Variants in PAPSS1 observed in about 807,000 individuals in gnomAD.
PAPSS1 encodes 3'-phosphoadenosine 5'-phosphosulfate synthase 1, also known as bifunctional 3'-phosphoadenosine 5'-phosphosulfate synthase 1.
PAPSS1 carries 50 observed loss-of-function variants against 72.0 expected under a neutral mutation model. The ratio of observed to expected loss-of-function variants is 0.69; its 90% CI spans 0.55 to 0.88. The LOEUF (loss-of-function observed/expected upper bound fraction) is 0.88, where lower values mean the gene tolerates loss of function less well. Among genes scored for constraint, PAPSS1 ranks in the 40% least tolerant of loss-of-function variants. The pLI, the probability that PAPSS1 is intolerant of heterozygous loss-of-function variation, is 0.00. For missense variants in PAPSS1, 657 were observed against 782.2 expected, an observed-to-expected ratio of 0.84 and a Z score of 1.91; for synonymous variants, 261 against 263.6, an observed-to-expected ratio of 0.99 and a Z score of 0.09.
rs1333997220 is a variant in PAPSS1 at position 107,613,984 on chromosome 4, A to G, written c.*265T>C. 1.2e-5 allele frequency: 3 copies of G among 260,248 alleles called. No homozygotes were observed. Among genetic ancestry groups the G allele is most frequent in the African/African-American group, 6.6e-5 (3 of 45,188 alleles). The allele number at this position is 260,248 out of a possible 1,614,324, so 16.1% of individuals were successfully genotyped here. ...TGAAAAAATCATGACACAGAAGCAT[A>G]AATATAATATAAAAAGACAATTTTA... On this transcript the variant is annotated 3_prime_UTR_variant, in exon 12 of 12. Transcript: ENST00000265174.
At chr4:107,679,012 T>C (rs901095687) in intron 5 of PAPSS1, among the ~76,000 whole-genome samples, 2 of 151,948 alleles carry the variant, frequency 1.3e-5, no homozygotes, top group Non-Finnish European at 2.9e-5. Context: ...AAAACAGATA[T>C]AAAACATGCT....
intron 10 of PAPSS1, among the ~76,000 whole-genome samples, chr4:107,637,857 T>TA (rs1193334159): frequency 1.3e-5 from 2 of 152,218 alleles, no homozygotes; most frequent in Non-Finnish European, 2.9e-5. Flanking sequence ...TTTTGCTGTG[T>TA]AAAAAATCTA....
chr4:107,681,111 T>C (rs1428151411), intron 5 of PAPSS1, among the ~76,000 whole-genome samples: 2 of 152,010 alleles, frequency 1.3e-5, no homozygotes, highest in South Asian at 2.1e-4. Flanking sequence ...TAAGATACAC[T>C]AGATGAAAGA....
intron 5 of PAPSS1, among the ~76,000 whole-genome samples, chr4:107,672,742 G>T (rs1014426969): frequency 6.6e-6 from 1 of 152,178 alleles, no homozygotes; most frequent in Non-Finnish European, 1.5e-5. Flanking sequence ...CATGCAGCTG[G>T]AGATCTGAGA....
At chr4:107,700,825 CTGTTA>C (rs1167399488) in intron 2 of PAPSS1, among the ~76,000 whole-genome samples, 2 of 152,154 alleles carry the variant, frequency 1.3e-5, no homozygotes, top group Non-Finnish European at 2.9e-5. Context: ...CTCTGGTATT[CTGTTA>C]TAACAGCATA....
intron 6 of PAPSS1, among the ~76,000 whole-genome samples, chr4:107,658,788 T>C (rs1727088600): frequency 6.6e-6 from 1 of 152,150 alleles, no homozygotes; most frequent in Non-Finnish European, 1.5e-5. Context: ...TGGTATCTGT[T>C]AGGGATTGAA....
At position 107,651,297 on chromosome 4, in the gene PAPSS1, C is replaced by G. The variant is rs111623443; in HGVS notation, c.1237+2194G>C. Among the ~76,000 whole-genome samples the G allele has an allele frequency of 6.0e-3, 916 of 152,302 alleles. 8 individuals are homozygous for G. The highest frequency in any genetic ancestry group is 0.019 in the African/African-American group (809 of 41,560). On this transcript the variant is annotated intron_variant, in intron 9 of 11. Coordinates refer to ENST00000265174, the MANE Select transcript of PAPSS1 (RefSeq NM_005443.5). ...GGTGGCCCATCTGAGGCCTCCAGTT[C>G]TTAACCCATTTTATTAAGTTCATAA...
intron 4 of PAPSS1, among the ~76,000 whole-genome samples, chr4:107,682,584 G>A (rs1431740498): frequency 6.6e-6 from 1 of 152,156 alleles, no homozygotes; most frequent in African/African-American, 2.4e-5. Context: ...CAAATAGTAA[G>A]AATCAATTCT....
chr4:107,645,089 G>A lies in PAPSS1; in HGVS notation c.1238-19C>T. 2.0e-6 allele frequency: 3 copies of A among 1,486,606 alleles called. No individual in the cohort carries two copies. The highest frequency in any genetic ancestry group is 2.7e-6 in the Non-Finnish European group (3 of 1,116,790). The allele number at this position is 1,486,606 out of a possible 1,614,324, so 92.1% of individuals were successfully genotyped here. ...ACAGCATCTGAAAAGAGAATTTCCA[G>A]AGTTAAGAATAGCATGTTTCTAACA... On this transcript the variant is annotated intron_variant, in intron 9 of 11. Transcript: ENST00000265174.
rs377177769 is a variant in PAPSS1, at chr4:107,687,013, G to A, written c.550+26C>T. 4.4e-6 allele frequency: 7 copies of A among 1,588,490 alleles called. No individual in the cohort carries two copies. In the African/African-American group the frequency reaches 5.5e-5, roughly 12 times the overall value. On this transcript the variant is annotated intron_variant, in intron 4 of 11. Transcript: ENST00000265174. ...GGAACATAAAATATCTAAGCAAAGTGAAACTGGGAAGAAAATATTACTGAC... is the reference window on the plus strand; with the variant it reads ...GGAACATAAAATATCTAAGCAAAGTAAAACTGGGAAGAAAATATTACTGAC...
chr4:107,712,539 G>A (rs1258675591), intron 1 of PAPSS1, among the ~76,000 whole-genome samples: 2 of 152,124 alleles, frequency 1.3e-5, no homozygotes, highest in Non-Finnish European at 2.9e-5. Flanking sequence ...ATTCATGATA[G>A]CCAAAAAGTA....
intron 1 of PAPSS1, among the ~76,000 whole-genome samples, chr4:107,706,595 G>A (rs533646302): frequency 6.0e-4 from 91 of 152,060 alleles, no homozygotes; most frequent in African/African-American, 2.1e-3. Context: ...TTCTTTTTCA[G>A]GCAGTTCATG....
At chr4:107,676,622 T>C (rs150241277) in intron 5 of PAPSS1, among the ~76,000 whole-genome samples, 36,657 of 151,842 alleles carry the variant, frequency 0.24, 4,952 homozygotes, top group Middle Eastern at 0.34. Flanking sequence ...AGGTAATTTA[T>C]AGATTCAATG....
chr4:107,618,397 G>A (rs1289924220), intron 11 of PAPSS1, among the ~76,000 whole-genome samples: 3 of 150,424 alleles, frequency 2.0e-5, no homozygotes, highest in Non-Finnish European at 3.0e-5. Context: ...TTAAGGAAAC[G>A]AGAGAAGGCT....
At chr4:107,666,669 T>C (rs1727325323) in intron 5 of PAPSS1, among the ~76,000 whole-genome samples, 1 of 152,192 alleles carries the variant, frequency 6.6e-6, no homozygotes, top group Non-Finnish European at 1.5e-5. Context: ...ATACTGTATC[T>C]TACTGAAGAC....
intron 4 of PAPSS1, among the ~76,000 whole-genome samples, chr4:107,684,612 T>G (rs1722724932): frequency 6.6e-6 from 1 of 152,190 alleles, no homozygotes; most frequent in African/African-American, 2.4e-5. Flanking sequence ...ACAATCTTTA[T>G]CTTAACCTGA....
At chr4:107,705,977 G>A (rs1003808225) in intron 1 of PAPSS1, among the ~76,000 whole-genome samples, 1 of 152,172 alleles carries the variant, frequency 6.6e-6, no homozygotes, top group Admixed American at 6.5e-5. Flanking sequence ...CTTTGAACAT[G>A]TCAACCCAGT....
At chr4:107,696,981 T>C (rs142953637) in intron 2 of PAPSS1, among the ~76,000 whole-genome samples, 3 of 152,282 alleles carry the variant, frequency 2.0e-5, no homozygotes, top group Non-Finnish European at 4.4e-5. Context: ...CAAAAGAATG[T>C]AGTGAAATAG....
intron 11 of PAPSS1, among the ~76,000 whole-genome samples, chr4:107,626,200 C>T (rs1400545515): frequency 2.0e-5 from 3 of 147,350 alleles, no homozygotes; most frequent in South Asian, 2.2e-4. Flanking sequence ...AAAAAGTATA[C>T]TCTGGCATCA....
Sources: gnomAD v4.1 joint callset for allele counts (sites outside exome capture counted in the v4.1 genomes callset) on GRCh38, gnomAD v4.1.1 for gene constraint, MANE v1.5 for transcripts, NCBI Gene and HGNC (gene_info 2026-07-23, HGNC 2026-07-21) for gene names.